The following CADPS2 variants were observed in gnomAD, a reference collection of about 807,000 sequenced individuals.
CADPS2 encodes the protein calcium dependent secretion activator 2, also known as calcium-dependent secretion activator 2.
A neutral mutation model predicts 172.5 loss-of-function variants in CADPS2; 93 were observed. The ratio of observed to expected loss-of-function variants is 0.54; its 90% CI spans 0.46 to 0.64. The LOEUF (loss-of-function observed/expected upper bound fraction) is 0.64, where lower values mean the gene tolerates loss of function less well. Ranked by LOEUF, CADPS2 falls within the 30% of genes least tolerant of loss-of-function variation. CADPS2 has a pLI of 0.00. For synonymous variants in CADPS2, 546 were observed against 555.2 expected (o/e 0.98, Z 0.23); for missense variants, 1,420 against 1,565.9 (o/e 0.91, Z 1.57).
intron 8 of CADPS2, among the ~76,000 whole-genome samples, chr7:122,522,086 T>C (rs2060850112): frequency 6.6e-6 from 1 of 152,080 alleles, no homozygotes; most frequent in Non-Finnish European, 1.5e-5. Context: ...TGATCATTCT[T>C]TTTTTTCTCT....
At chr7:122,541,870 T>C (rs2063118460) in intron 8 of CADPS2, among the ~76,000 whole-genome samples, 1 of 145,480 alleles carries the variant, frequency 6.9e-6, no homozygotes, top group Non-Finnish European at 1.5e-5. Flanking sequence ...TATATATGCA[T>C]ATATATTTAT....
At chr7:122,510,561 G>T (rs2059935762) in intron 9 of CADPS2, among the ~76,000 whole-genome samples, 1 of 152,118 alleles carries the variant, frequency 6.6e-6, no homozygotes, top group African/African-American at 2.4e-5. Flanking sequence ...TGAGCTGATG[G>T]TTGGATTTCC....
At chr7:122,577,194 C>T (rs977082847) in intron 7 of CADPS2, among the ~76,000 whole-genome samples, 1 of 152,078 alleles carries the variant, frequency 6.6e-6, no homozygotes, top group Non-Finnish European at 1.5e-5. Flanking sequence ...AGAACTGAGT[C>T]AATTAAACCT....
chr7:122,800,184 A>G (rs892443747), intron 1 of CADPS2, among the ~76,000 whole-genome samples: 1 of 152,228 alleles, frequency 6.6e-6, no homozygotes, highest in African/African-American at 2.4e-5. Flanking sequence ...ATCCACGGTT[A>G]TAATACTAGT....
intron 1 of CADPS2, among the ~76,000 whole-genome samples, chr7:122,774,852 C>A (rs2093825665): frequency 6.6e-6 from 1 of 151,946 alleles, no homozygotes; most frequent in Admixed American, 6.6e-5. Flanking sequence ...TTTACATTAC[C>A]TTTTTAATAA....
At chr7:122,710,184 T>C (rs961183271) in intron 2 of CADPS2, among the ~76,000 whole-genome samples, 1 of 151,984 alleles carries the variant, frequency 6.6e-6, no homozygotes, top group Non-Finnish European at 1.5e-5. Flanking sequence ...TGAGTGAGTC[T>C]GTGGTTAACT....
intron 29 of CADPS2, among the ~76,000 whole-genome samples, chr7:122,324,260 G>C (rs894408727): frequency 6.6e-6 from 1 of 151,948 alleles, no homozygotes; most frequent in Non-Finnish European, 1.5e-5. Flanking sequence ...TCTGACTTTG[G>C]AACAGAACTT....
intron 1 of CADPS2, among the ~76,000 whole-genome samples, chr7:122,866,460 G>A (rs1307157686): frequency 3.9e-5 from 6 of 152,124 alleles, no homozygotes; most frequent in Admixed American, 3.9e-4. Context: ...CAGCAATTTG[G>A]GAGGTCGAGG....
At chr7:122,794,174 G>A (rs1308151148) in intron 1 of CADPS2, among the ~76,000 whole-genome samples, 1 of 151,996 alleles carries the variant, frequency 6.6e-6, no homozygotes, top group Non-Finnish European at 1.5e-5. Context: ...AAGTTCTCAT[G>A]GATGATATCC....
At chr7:122,411,547 A>G (rs2047320945) in intron 19 of CADPS2, among the ~76,000 whole-genome samples, 1 of 152,116 alleles carries the variant, frequency 6.6e-6, no homozygotes, top group Admixed American at 6.6e-5. Flanking sequence ...AAAATATAAT[A>G]AAAATTTATA....
intron 7 of CADPS2, among the ~76,000 whole-genome samples, chr7:122,567,236 A>C (rs2066589325): frequency 6.6e-6 from 1 of 152,160 alleles, no homozygotes; most frequent in South Asian, 2.1e-4. Flanking sequence ...AGCTGAACAT[A>C]AAATTTCAGT....
chr7:122,584,128 T>C (rs2069282725), intron 6 of CADPS2, among the ~76,000 whole-genome samples: 1 of 151,832 alleles, frequency 6.6e-6, no homozygotes, highest in South Asian at 2.1e-4. Context: ...TTTGGTTTTA[T>C]TGCATAAGTT....
At chr7:122,821,492 C>T (rs1803275136) in intron 1 of CADPS2, among the ~76,000 whole-genome samples, 1 of 152,182 alleles carries the variant, frequency 6.6e-6, no homozygotes, top group Admixed American at 6.5e-5. Flanking sequence ...ACTCAACATG[C>T]CCTGAGTCAG....
chr7:122,416,167 A>G lies in CADPS2; in HGVS notation c.2477-3T>C, dbSNP rs574845774. 1.3e-6 allele frequency: 2 copies of G among 1,505,728 alleles called. No individual in the cohort carries two copies. The highest frequency in any genetic ancestry group is 1.2e-5 in the South Asian group (1 of 81,236). The allele number at this position is 1,505,728 out of a possible 1,614,324, so 93.3% of individuals were successfully genotyped here. ...AGGAGATGCCTGGTTCATGGTCTCT[A>G]TATGAAAAAAAATCATAATCATGTT... On this transcript the variant is annotated splice_polypyrimidine_tract_variant and splice_region_variant and intron_variant, in intron 17 of 29. Transcript: ENST00000449022.
intron 1 of CADPS2, among the ~76,000 whole-genome samples, chr7:122,801,602 G>T (rs2139961106): frequency 6.6e-6 from 1 of 152,182 alleles, no homozygotes; most frequent in South Asian, 2.1e-4. Context: ...TATTATCATT[G>T]CTACTATAAA....
chr7:122,587,313 C>G (rs1288758808), intron 6 of CADPS2, among the ~76,000 whole-genome samples: 1 of 151,884 alleles, frequency 6.6e-6, no homozygotes, highest in South Asian at 2.1e-4. Context: ...CCCCTCCCTA[C>G]GTCCATGTGA....
At chr7:122,663,695 A>T (rs2135388943) in intron 2 of CADPS2, 126 bp from the exon 3 acceptor site, 1 of 703,900 alleles carries the variant, frequency 1.4e-6, no homozygotes, top group Middle Eastern at 2.7e-4. Flanking sequence ...CTCCACAATG[A>T]TTCAAAATGT....
In CADPS2 at chr7:122,663,280, C is replaced by T. The variant is rs928463441; in HGVS notation, c.743G>A (p.Gly248Asp). 15 of 1,613,630 alleles carry T rather than the reference C, an allele frequency of 9.3e-6. No individual in the cohort carries two copies. The highest frequency in any genetic ancestry group is 1.3e-5 in the African/African-American group (1 of 74,904). Residue 248 changes from glycine (G) to aspartate (D), a missense_variant, in exon 3 of 30, where the codon GGT (glycine) becomes GAT (aspartate). Physicochemically the swap from Gly to Asp is moderately conservative, Grantham distance 94. Coordinates refer to ENST00000449022, the MANE Select transcript of CADPS2 (RefSeq NM_017954.11). ...GAGCTGGTGTTCCAGTTTTTTAATA[C>T]CCAGAATCTGCTGAAACATTTCATA... Reference protein sequence around the residue: ...QLYEMFQQILGIKKLEHQLLY... With the variant: ...QLYEMFQQILDIKKLEHQLLY...
Position 122,818,109 on chromosome 7 carries a change from C to A in CADPS2, c.339+67890G>T, listed in dbSNP as rs1363994496. Among the ~76,000 whole-genome samples the A allele has an allele frequency of 7.3e-5, 11 of 150,350 alleles. No individual in the cohort carries two copies. In the Admixed American group the frequency reaches 7.4e-4, roughly 10 times the overall value. On this transcript the variant is annotated intron_variant, in intron 1 of 29. Transcript: ENST00000449022. The stretch of plus-strand genomic sequence containing the variant: ...TTCCTACTTTTCTGGAAGGTAAGAA[C>A]CCCCGAACCCCTTCCCTCCATTTCT...
Sources: allele counts gnomAD v4.1 joint callset (sites outside exome capture counted in the v4.1 genomes callset), GRCh38; gene constraint gnomAD v4.1.1; transcripts MANE v1.5; gene names NCBI Gene and HGNC (gene_info 2026-07-23, HGNC 2026-07-21).